The following PAK2 variants were observed in gnomAD, a reference collection of about 807,000 sequenced individuals.
PAK2 encodes serine/threonine-protein kinase PAK 2.
PAK2 carries 21 observed loss-of-function variants against 65.9 expected under a neutral mutation model. The observed-to-expected ratio is 0.32, with a 90% CI of 0.23 to 0.46. The LOEUF (loss-of-function observed/expected upper bound fraction) is 0.46. PAK2 is among the 20% of genes least tolerant of loss of function. PAK2 has a pLI of 1.00. For missense variants in PAK2, 324 were observed against 642.6 expected, an observed-to-expected ratio of 0.50 and a Z score of 5.36; for synonymous variants, 204 against 219.7, an observed-to-expected ratio of 0.93 and a Z score of 0.63.
intron 11 of PAK2, among the ~76,000 whole-genome samples, chr3:196,815,370 T>C (rs1193059904): frequency 2.0e-5 from 3 of 151,326 alleles, no homozygotes; most frequent in Non-Finnish European, 2.9e-5. Context: ...TGCACGCCTG[T>C]AATCCCAGCT....
At chr3:196,783,353 T>C (rs1714773774) in intron 2 of PAK2, among the ~76,000 whole-genome samples, 1 of 152,140 alleles carries the variant, frequency 6.6e-6, no homozygotes, top group Admixed American at 6.6e-5. Context: ...ACCTCAACAC[T>C]ATTGACATCT....
At chr3:196,785,807 CGA>C (rs1029415578) in intron 2 of PAK2, among the ~76,000 whole-genome samples, 1 of 152,030 alleles carries the variant, frequency 6.6e-6, no homozygotes, top group African/African-American at 2.4e-5. Context: ...CAGCAGGCAA[CGA>C]GAGAGAGCTT....
chr3:196,742,679 C>G (rs916756441), intron 1 of PAK2, among the ~76,000 whole-genome samples: 15 of 152,098 alleles, frequency 9.9e-5, no homozygotes, highest in African/African-American at 3.1e-4. Flanking sequence ...CTTTGGGAGG[C>G]CGAGGCGGGC....
intron 1 of PAK2, among the ~76,000 whole-genome samples, chr3:196,755,300 A>AT (rs1713731371): frequency 6.6e-6 from 1 of 151,960 alleles, no homozygotes; most frequent in African/African-American, 2.4e-5. Context: ...ATCTTGTTCC[A>AT]TTTTGCATCT....
At position 196,808,358 on chromosome 3, in the gene PAK2, C is replaced by T. The variant is rs570787903; in HGVS notation, c.709+444C>T. On this transcript the variant is annotated intron_variant, in intron 7 of 14. Coordinates refer to ENST00000327134, the MANE Select transcript of PAK2 (RefSeq NM_002577.4). The stretch of plus-strand genomic sequence containing the variant: ...TGGGCGGATCACAAGGTCAGGAGAT[C>T]GAGACCATCCTGGCCAGTATGGTGA... 2.3e-4 allele frequency among the ~76,000 whole-genome samples: 35 copies of T among 151,342 alleles called. 1 individual carries two copies. Among genetic ancestry groups the T allele is most frequent in the Admixed American group, 7.3e-4 (11 of 15,136 alleles).
At chr3:196,799,448 G>C (rs896488405) in intron 2 of PAK2, among the ~76,000 whole-genome samples, 4 of 152,122 alleles carry the variant, frequency 2.6e-5, no homozygotes, top group African/African-American at 4.8e-5. Context: ...ACCTTCAAGA[G>C]GCGACGCGAG....
intron 13 of PAK2, among the ~76,000 whole-genome samples, chr3:196,823,624 G>C: frequency 6.6e-6 from 1 of 151,948 alleles, no homozygotes; most frequent in Admixed American, 6.6e-5. Context: ...TCAGCACTTT[G>C]GGAGGCCGAG....
Position 196,791,636 on chromosome 3 carries a change from A to T in PAK2, c.187+8803A>T, listed in dbSNP as rs1347814998. 6.6e-6 allele frequency among the ~76,000 whole-genome samples: 1 copy of T among 152,126 alleles called. No homozygotes were observed. Among genetic ancestry groups the T allele is most frequent in the Non-Finnish European group, 1.5e-5 (1 of 68,024 alleles). Reference sequence around the variant, plus strand: ...TTTTCTTTATGTGTTAAGAAATATAATTCCTGGGCCGGGCGTGGTGGCTCA... The same window carrying T: ...TTTTCTTTATGTGTTAAGAAATATATTTCCTGGGCCGGGCGTGGTGGCTCA... On this transcript the variant is annotated intron_variant, in intron 2 of 14. Coordinates refer to ENST00000327134, the MANE Select transcript of PAK2 (RefSeq NM_002577.4). This position sits in a 1 kb window ranked among gnomAD's most constrained non-coding sequence, Gnocchi z 4.0.
intron 13 of PAK2, among the ~76,000 whole-genome samples, chr3:196,821,794 G>T (rs1015947170): frequency 6.6e-6 from 1 of 152,214 alleles, no homozygotes; most frequent in Non-Finnish European, 1.5e-5. Context: ...AATTCTGTGT[G>T]AAGTTAATAC....
At chr3:196,801,701 T>G (rs572032338) in intron 2 of PAK2, among the ~76,000 whole-genome samples, 1 of 152,046 alleles carries the variant, frequency 6.6e-6, no homozygotes, top group East Asian at 1.9e-4. Flanking sequence ...GGCATGGTGG[T>G]GGGCACCTGT....
chr3:196,757,761 C>T (rs1713817889), intron 1 of PAK2, among the ~76,000 whole-genome samples: 1 of 152,052 alleles, frequency 6.6e-6, no homozygotes, highest in Non-Finnish European at 1.5e-5. Context: ...TGCCTGGAAT[C>T]CCGTCTTCTG....
chr3:196,766,931 CGTGTGTGTGTGTGTGTGTGTGTGT>C (rs60929724), intron 1 of PAK2, among the ~76,000 whole-genome samples: 4,544 of 134,400 alleles, frequency 0.034, 96 homozygotes, highest in Middle Eastern at 0.077. Flanking sequence ...AAGTACACCC[CGTGTGTGTGTGTGTGTGTGTGTGT>C]GTGTGTGTGT....
intron 2 of PAK2, chr3:196,784,955 A>G (rs2108742444): frequency 6.6e-6 from 1 of 152,162 alleles, no homozygotes; most frequent in African/African-American, 2.4e-5. Flanking sequence ...TGTGGTTTTG[A>G]TTTGCATTTC....
At chr3:196,750,769 A>C (rs1188926891) in intron 1 of PAK2, among the ~76,000 whole-genome samples, 3 of 150,704 alleles carry the variant, frequency 2.0e-5, no homozygotes, top group East Asian at 1.9e-4. Context: ...AAAAAAAAAA[A>C]ACCAAAACAT....
At chr3:196,788,658 C>T (rs1714973921) in intron 2 of PAK2, among the ~76,000 whole-genome samples, 1 of 152,184 alleles carries the variant, frequency 6.6e-6, no homozygotes, top group Non-Finnish European at 1.5e-5. Flanking sequence ...AGAGGCAGTG[C>T]ACAACATGTG....
At chr3:196,794,022 T>A (rs1005696147) in intron 2 of PAK2, among the ~76,000 whole-genome samples, 1 of 151,870 alleles carries the variant, frequency 6.6e-6, no homozygotes, top group African/African-American at 2.4e-5. Flanking sequence ...TCCCAGCTAC[T>A]CAGGAGGCTG....
Position 196,791,350 on chromosome 3 carries a change from T to C in PAK2, c.187+8517T>C, listed in dbSNP as rs114568538. Among the ~76,000 whole-genome samples the C allele has an allele frequency of 2.1e-3, 314 of 152,324 alleles. 1 individual carries two copies. The highest frequency in any genetic ancestry group is 3.9e-3 in the Non-Finnish European group (263 of 68,032). On this transcript the variant is annotated intron_variant, in intron 2 of 14. Coordinates refer to ENST00000327134, the MANE Select transcript of PAK2 (RefSeq NM_002577.4). The surrounding 1 kb of genome is among the most constrained non-coding windows in gnomAD (Gnocchi z 4.0). ...CATTGAACAGATTTTTAGGATTTTA[T>C]GTTTATTTTGAATGATCTAATGTGG...
intron 1 of PAK2, among the ~76,000 whole-genome samples, chr3:196,779,346 TA>T (rs1714634470): frequency 6.6e-6 from 1 of 152,192 alleles, no homozygotes; most frequent in Admixed American, 6.5e-5. Context: ...CTCATCCTTT[TA>T]AAGTGCTCCC....
At chr3:196,782,593 C>A in intron 1 of PAK2, 33 bp from the exon 2 acceptor site, 1 of 1,062,924 alleles carries the variant, frequency 9.4e-7, no homozygotes, top group Non-Finnish European at 1.4e-6. Flanking sequence ...CTATTTTTTA[C>A]TTTGTTACTA....
Sources: allele counts gnomAD v4.1 joint callset (sites outside exome capture counted in the v4.1 genomes callset), GRCh38; gene constraint gnomAD v4.1.1; non-coding constraint Gnocchi (gnomAD v3.1); transcripts MANE v1.5; gene names NCBI Gene and HGNC (gene_info 2026-07-23, HGNC 2026-07-21).